HDAC1: variants seen among roughly 807,000 people sequenced by gnomAD.
HDAC1 encodes the protein histone deacetylase 1.
A neutral mutation model predicts 65.5 loss-of-function variants in HDAC1; 18 were observed. The ratio of observed to expected loss-of-function variants is 0.27; its 90% CI spans 0.19 to 0.41. HDAC1 has a LOEUF of 0.41. HDAC1 is among the 10% of genes least tolerant of loss of function. HDAC1 has a pLI of 1.00. For synonymous variants in HDAC1, 211 were observed against 227.9 expected (o/e 0.93, Z 0.67); for missense variants, 373 against 625.2 (o/e 0.60, Z 4.30).
In HDAC1 at chr1:32,327,378, A is replaced by G; in HGVS notation, c.495-158A>G. The G allele has an allele frequency of 1.5e-6, 1 of 679,434 alleles. No individual in the cohort carries two copies. The highest frequency in any genetic ancestry group is 1.8e-5 in the South Asian group (1 of 56,688). 42.1% of individuals were successfully genotyped at this position (679,434 alleles called of 1,614,324 possible). A position where few individuals can be genotyped will look rare whatever the true frequency, so the allele number is the denominator to read the frequency against. ...TCGGCTTGGTCAGGCCTCTGGAGAC[A>G]CCCGGCCGCTCTTCCACCTTCCTTC... On this transcript the variant is annotated intron_variant, in intron 5 of 13. Coordinates refer to ENST00000373548, the MANE Select transcript of HDAC1 (RefSeq NM_004964.3). This position sits in a 1 kb window ranked among gnomAD's most constrained non-coding sequence, Gnocchi z 6.0.
intron 2 of HDAC1, among the ~76,000 whole-genome samples, chr1:32,315,896 C>T (rs1014505388): frequency 2.0e-5 from 3 of 150,626 alleles, no homozygotes; most frequent in Non-Finnish European, 3.0e-5. Flanking sequence ...ACCCAGGAGG[C>T]GAAGGTTGCA....
intron 1 of HDAC1, among the ~76,000 whole-genome samples, chr1:32,294,627 G>A (rs1640742400): frequency 6.7e-6 from 1 of 149,594 alleles, no homozygotes; most frequent in Non-Finnish European, 1.5e-5. Context: ...CCATTCTCCT[G>A]CCTCAGCCTC....
chr1:32,319,943 G>A (rs1164911281), intron 3 of HDAC1, among the ~76,000 whole-genome samples: 9 of 151,798 alleles, frequency 5.9e-5, no homozygotes, highest in South Asian at 2.1e-4. Context: ...ATGGCCAGGC[G>A]TGGTGGCTCA....
Position 32,306,377 on chromosome 1 carries a change from C to T in HDAC1, c.162+3644C>T, listed in dbSNP as rs181169013. ...TTCTCCACGTTGGTCAGGCTGGTCT[C>T]GAACTCCCAACCTCAGGTGATCCGC... On this transcript the variant is annotated intron_variant, in intron 2 of 13. Transcript: ENST00000373548. Among the ~76,000 whole-genome samples the T allele has an allele frequency of 4.1e-3, 617 of 152,000 alleles. 7 individuals carry two copies. Among genetic ancestry groups the T allele is most frequent in the African/African-American group, 0.014 (566 of 41,450 alleles).
chr1:32,324,627 CTAG>C, intron 4 of HDAC1, 74 bp downstream of exon 4: 1 of 974,594 alleles, frequency 1.0e-6, no homozygotes, highest in Admixed American at 1.7e-5. Context: ...GGCTGCTATC[CTAG>C]TTGGCTGATC....
rs1264437660 is a variant in HDAC1, at chr1:32,327,110, C to T, written c.494+33C>T. On this transcript the variant is annotated intron_variant, in intron 5 of 13. Coordinates refer to ENST00000373548, the MANE Select transcript of HDAC1 (RefSeq NM_004964.3). The surrounding 1 kb of genome is among the most constrained non-coding windows in gnomAD (Gnocchi z 6.0). ...TGCCTGGCCTTGTCTCTTGGAAGAG[C>T]ACCTTAGGCCAGGTTCCCATTTCCC... The T allele has an allele frequency of 2.5e-6, 4 of 1,606,798 alleles. No individual in the cohort carries two copies. The highest frequency in any genetic ancestry group is 2.2e-5 in the East Asian group (1 of 44,784).
intron 6 of HDAC1, 88 bp from the exon 7 acceptor site, chr1:32,328,980 A>C (rs1641255675): frequency 1.4e-5 from 12 of 834,550 alleles, no homozygotes; most frequent in Non-Finnish European, 2.3e-5. Context: ...GTCTCTCTTG[A>C]ACCTCTTCCT....
At chr1:32,300,029 G>C (rs907418641) in intron 1 of HDAC1, among the ~76,000 whole-genome samples, 57 of 152,176 alleles carry the variant, frequency 3.7e-4, no homozygotes, top group African/African-American at 1.3e-3. Flanking sequence ...CTGCACTCCA[G>C]CCTGGGCGAC....
Position 32,292,104 on chromosome 1 carries a change from G to A in HDAC1, c.-66G>A. The A allele has an allele frequency of 1.3e-6, 2 of 1,496,502 alleles. No homozygotes were observed. Among genetic ancestry groups the A allele is most frequent in the Non-Finnish European group, 1.8e-6 (2 of 1,101,706 alleles). The allele number at this position is 1,496,502 out of a possible 1,614,324, so 92.7% of individuals were successfully genotyped here. A position where few individuals can be genotyped will look rare whatever the true frequency, so the allele number is the denominator to read the frequency against. Reference sequence around the variant, plus strand: ...CCGCCCCCTCCCCCCTGGGTCGGACGCTGAGCGGAGCCGCGGGCGGGAGGG... The same window carrying A: ...CCGCCCCCTCCCCCCTGGGTCGGACACTGAGCGGAGCCGCGGGCGGGAGGG... On this transcript the variant is annotated 5_prime_UTR_variant, in exon 1 of 14. Coordinates refer to ENST00000373548, the MANE Select transcript of HDAC1 (RefSeq NM_004964.3).
At chr1:32,304,344 G>A (rs970900233) in intron 2 of HDAC1, among the ~76,000 whole-genome samples, 3 of 152,170 alleles carry the variant, frequency 2.0e-5, no homozygotes, top group Non-Finnish European at 4.4e-5. Context: ...TTTTTTAGGT[G>A]TGAAGGCAGC....
intron 2 of HDAC1, among the ~76,000 whole-genome samples, chr1:32,316,115 T>C (rs1435880229): frequency 1.3e-5 from 2 of 151,836 alleles, no homozygotes; most frequent in East Asian, 3.9e-4. Flanking sequence ...ACCCTGTCTC[T>C]ACTAAAAATA....
At chr1:32,301,660 C>T (rs1281005975) in intron 1 of HDAC1, among the ~76,000 whole-genome samples, 1 of 151,868 alleles carries the variant, frequency 6.6e-6, no homozygotes, top group Non-Finnish European at 1.5e-5. Flanking sequence ...ATGCCAGCTA[C>T]TTGAGAGGCT....
intron 13 of HDAC1, 104 bp from the exon 14 acceptor site, chr1:32,332,913 C>T (rs1641316937): frequency 7.7e-7 from 1 of 1,297,368 alleles, no homozygotes; most frequent in South Asian, 1.3e-5. Flanking sequence ...CTAGGAGCCC[C>T]AGCCCCCAGT....
chr1:32,313,437 A>G (rs955371151), intron 2 of HDAC1, among the ~76,000 whole-genome samples: 12 of 152,086 alleles, frequency 7.9e-5, no homozygotes, highest in Non-Finnish European at 2.9e-5. Flanking sequence ...GGGTCTCACT[A>G]TGTTGTCCAG....
chr1:32,322,178 C>G (rs1440190907), intron 3 of HDAC1, among the ~76,000 whole-genome samples: 2 of 152,172 alleles, frequency 1.3e-5, no homozygotes, highest in Admixed American at 1.3e-4. Flanking sequence ...ATCTTGATAA[C>G]AGTGGGTACA....
Position 32,316,631 on chromosome 1 carries a change from A to C in HDAC1, c.163-34A>C, listed in dbSNP as rs1233919856. The C allele has an allele frequency of 5.4e-6, 7 of 1,290,286 alleles. No homozygotes were observed. The East Asian group carries it at 1.6e-4, about 30-fold the overall frequency. The allele number at this position is 1,290,286 out of a possible 1,614,324, so 79.9% of individuals were successfully genotyped here. On this transcript the variant is annotated intron_variant, in intron 2 of 13. Transcript: ENST00000373548. ...GATTGACTGGACTGGCCGTGGTCAA[A>C]AATAACTTGCCCTTTCTCCCTTCTG...
rs561323749 is a variant in HDAC1, at chr1:32,331,298, T to TGGAAATCCCATAG, written c.980-175_980-174insGAAATCCCATAGG. Among the ~76,000 whole-genome samples, 59 of 152,270 alleles carry TGGAAATCCCATAG rather than the reference T, an allele frequency of 3.9e-4. No homozygotes were observed. The highest frequency in any genetic ancestry group is 7.8e-4 in the Admixed American group (12 of 15,294). On this transcript the variant is annotated intron_variant, in intron 9 of 13. Transcript: ENST00000373548. The surrounding 1 kb of genome is among the most constrained non-coding windows in gnomAD (Gnocchi z 4.2). ...CACTGGTACAGACATAGGAGAGTGA[T>TGGAAATCCCATAG]GTTAAAAAGATGGAAATCCCATAGG...
At chr1:32,302,509 C>A in intron 1 of HDAC1, 112 bp from the exon 2 acceptor site, 25 of 453,958 alleles carry the variant, frequency 5.5e-5, no homozygotes, top group Non-Finnish European at 7.6e-5. Context: ...ATCTTGGAAA[C>A]TAGAAATGAG....
At chr1:32,300,288 T>A (rs1640829218) in intron 1 of HDAC1, among the ~76,000 whole-genome samples, 1 of 151,872 alleles carries the variant, frequency 6.6e-6, no homozygotes, top group South Asian at 2.1e-4. Context: ...TGTAAATAAT[T>A]CAGATATAAA....
Sources: allele counts gnomAD v4.1 joint callset (sites outside exome capture counted in the v4.1 genomes callset), GRCh38; gene constraint gnomAD v4.1.1; non-coding constraint Gnocchi (gnomAD v3.1); transcripts MANE v1.5; gene names NCBI Gene and HGNC (gene_info 2026-07-23, HGNC 2026-07-21).